Variants in CSK observed in about 807,000 individuals in gnomAD.
CSK encodes C-terminal Src kinase, also known as tyrosine-protein kinase CSK.
CSK carries 7 observed loss-of-function variants against 62.3 expected under a neutral mutation model. The observed-to-expected ratio is 0.11, with a 90% CI of 0.06 to 0.21. The LOEUF is 0.21. Among genes scored for constraint, CSK ranks in the 10% least tolerant of loss-of-function variants. The pLI, the probability that CSK is intolerant of heterozygous loss-of-function variation, is 1.00. For synonymous variants in CSK, 237 were observed against 246.0 expected (o/e 0.96, Z 0.34); for missense variants, 294 against 613.5 (o/e 0.48, Z 5.50).
chr15:74,792,592 G>A (rs2063639552), intron 1 of CSK, among the ~76,000 whole-genome samples: 1 of 152,218 alleles, frequency 6.6e-6, no homozygotes, highest in African/African-American at 2.4e-5. Context: ...CTCTGTGCCT[G>A]ACCCCCGCTG....
In CSK at chr15:74,782,415, G is replaced by A. The variant is rs1302526386; in HGVS notation, c.-371G>A. On this transcript the variant is annotated 5_prime_UTR_variant, in exon 1 of 13. Transcript: ENST00000220003. This position sits in a 1 kb window ranked among gnomAD's most constrained non-coding sequence, Gnocchi z 5.7. ...GCAGCCAGCGCGACGTTCCAAAATC[G>A]AACCTCAGTGGCGGCGCTCGGAAGC... 3 of 151,434 alleles carry A rather than the reference G, an allele frequency of 2.0e-5. No individual in the cohort carries two copies. Among genetic ancestry groups the A allele is most frequent in the Non-Finnish European group, 4.4e-5 (3 of 67,694 alleles). 9.4% of individuals were successfully genotyped at this position (151,434 alleles called of 1,614,324 possible).
intron 1 of CSK, among the ~76,000 whole-genome samples, chr15:74,783,484 T>C (rs2063469163): frequency 6.6e-6 from 1 of 152,132 alleles, no homozygotes; most frequent in Admixed American, 6.5e-5. Flanking sequence ...GAACCGAGGC[T>C]CAAAGGGAGA....
In CSK at chr15:74,802,358, G is replaced by C. The variant is rs2063806328; in HGVS notation, c.1198G>C (p.Glu400Gln). 1 of 1,606,044 alleles carries C rather than the reference G, an allele frequency of 6.2e-7. No homozygotes were observed. Residue 400 changes from glutamate to glutamine, a missense_variant, in exon 13 of 13, where the codon GAG becomes CAG. Glu to Gln is a conservative substitution (Grantham distance 29). Coordinates refer to ENST00000220003, the MANE Select transcript of CSK (RefSeq NM_004383.3). ...CCTGAAGGACGTCGTCCCTCGGGTG[G>C]AGAAGGGCTACAAGATGGATGCCCC... ...IPLKDVVPRVEKGYKMDAPDG... is the reference protein window; with the variant it reads ...IPLKDVVPRVQKGYKMDAPDG...
chr15:74,787,120 C>T (rs940356186), intron 1 of CSK, among the ~76,000 whole-genome samples: 6 of 152,218 alleles, frequency 3.9e-5, no homozygotes, highest in Non-Finnish European at 5.9e-5. Context: ...CCACCCCCAA[C>T]GCCCGGCAGG....
At chr15:74,799,636 C>A in intron 5 of CSK, 145 bp downstream of exon 5, 1 of 821,016 alleles carries the variant, frequency 1.2e-6, no homozygotes, top group East Asian at 2.7e-5. Context: ...TTCCTCACAC[C>A]TTGGTGGAGC....
rs529793308 is a variant in CSK at position 74,794,425 on chromosome 15, C to T, written c.-65-3808C>T. Among the ~76,000 whole-genome samples the T allele has an allele frequency of 2.0e-5, 3 of 150,628 alleles. No individual in the cohort carries two copies. In the South Asian group the frequency reaches 6.3e-4, roughly 32 times the overall value. On this transcript the variant is annotated intron_variant, in intron 1 of 12. Coordinates refer to ENST00000220003, the MANE Select transcript of CSK (RefSeq NM_004383.3). ...CAGGAGGCAGGGGCAAGGGATGGTT[C>T]CTGTACTTAGTGGTGACTGAGTCAT... is the stretch of plus-strand genomic sequence containing the variant.
At chr15:74,786,013 T>G (rs12911904) in intron 1 of CSK, among the ~76,000 whole-genome samples, 919 of 47,954 alleles carry the variant, frequency 0.019, 63 homozygotes, top group Non-Finnish European at 0.026. Context: ...TTTTTTTTTT[T>G]TGTGTGTGTG....
intron 1 of CSK, chr15:74,790,873 C>T (rs910549029): frequency 1.3e-5 from 2 of 152,182 alleles, no homozygotes; most frequent in Non-Finnish European, 2.9e-5. Context: ...CACTGGAGCA[C>T]GGGGATGTGT....
At chr15:74,792,599 G>A (rs1472787846) in intron 1 of CSK, among the ~76,000 whole-genome samples, 2 of 152,212 alleles carry the variant, frequency 1.3e-5, no homozygotes, top group East Asian at 1.9e-4. Flanking sequence ...CCTGACCCCC[G>A]CTGGGTTGTA....
At chr15:74,784,892 C>T (rs1216332593) in intron 1 of CSK, among the ~76,000 whole-genome samples, 3 of 152,136 alleles carry the variant, frequency 2.0e-5, no homozygotes, top group Non-Finnish European at 4.4e-5. Context: ...AAAGTAGGGA[C>T]AGATTCTCAT....
chr15:74,795,975 T>C (rs2063698898), intron 1 of CSK, among the ~76,000 whole-genome samples: 1 of 152,148 alleles, frequency 6.6e-6, no homozygotes, highest in African/African-American at 2.4e-5. Context: ...CTCAGCACAT[T>C]GGGAGGCTGG....
chr15:74,793,758 C>T (rs571030573), intron 1 of CSK, among the ~76,000 whole-genome samples: 7 of 152,190 alleles, frequency 4.6e-5, no homozygotes, highest in South Asian at 4.1e-4. Flanking sequence ...GGGGAGGCGG[C>T]GGTGGCAGTA....
At chr15:74,789,893 G>T (rs2063591754) in intron 1 of CSK, among the ~76,000 whole-genome samples, 1 of 152,212 alleles carries the variant, frequency 6.6e-6, no homozygotes. Flanking sequence ...TCTGCATTTT[G>T]TGGTGGTTCC....
intron 12 of CSK, 28 bp downstream of exon 12, chr15:74,802,111 G>C (rs757826809): frequency 6.2e-7 from 1 of 1,606,002 alleles, no homozygotes; most frequent in South Asian, 1.1e-5. Context: ...GATCAGGGTG[G>C]CTCTTGGAGC....
intron 1 of CSK, among the ~76,000 whole-genome samples, chr15:74,783,738 G>T (rs888181200): frequency 3.3e-4 from 50 of 152,218 alleles, no homozygotes; most frequent in African/African-American, 1.1e-3. Context: ...GGAGATGTGG[G>T]GAATGTGTGG....
At chr15:74,801,416 T>A in intron 9 of CSK, 106 bp from the exon 10 acceptor site, 1 of 1,122,246 alleles carries the variant, frequency 8.9e-7, no homozygotes, top group Non-Finnish European at 1.3e-6. Context: ...TCCTTCCCTG[T>A]CTCACACCTC....
chr15:74,796,609 A>T (rs201341177), intron 1 of CSK, among the ~76,000 whole-genome samples: 1 of 151,660 alleles, frequency 6.6e-6, no homozygotes, highest in African/African-American at 2.4e-5. Context: ...AAAAAAAAAA[A>T]GAAAAGAAAA....
chr15:74,797,450 G>A (rs1490300778), intron 1 of CSK, among the ~76,000 whole-genome samples: 1 of 152,152 alleles, frequency 6.6e-6, no homozygotes, highest in African/African-American at 2.4e-5. Context: ...CAGCTACTCA[G>A]GAGGTGGAGG....
intron 1 of CSK, among the ~76,000 whole-genome samples, chr15:74,796,701 G>C (rs772184238): frequency 7.2e-5 from 11 of 152,002 alleles, no homozygotes; most frequent in Non-Finnish European, 8.8e-5. Context: ...AAAGTGTGCC[G>C]ATCGCAATGG....
Sources: gnomAD v4.1 joint callset for allele counts (sites outside exome capture counted in the v4.1 genomes callset) on GRCh38, gnomAD v4.1.1 for gene constraint, Gnocchi (gnomAD v3.1) non-coding constraint, MANE v1.5 for transcripts, NCBI Gene and HGNC (gene_info 2026-07-23, HGNC 2026-07-21) for gene names.